TICAM1: variants seen among roughly 807,000 people sequenced by gnomAD.
The protein encoded by TICAM1 is TIR domain-containing adapter molecule 1.
For missense variants in TICAM1, 895 were observed against 938.2 expected (o/e 0.95, Z 0.60); for synonymous variants, 439 against 415.4 (o/e 1.06, Z -0.69).
chr19:4,831,027 T>C (rs1056481576), intron 1 of TICAM1, among the ~76,000 whole-genome samples: 1 of 151,926 alleles, frequency 6.6e-6, no homozygotes, highest in Non-Finnish European at 1.5e-5. Flanking sequence ...GGATCCTGGG[T>C]GTCAGGGAAG....
Position 4,818,057 on chromosome 19 carries a change from C to T in TICAM1, c.321G>A (p.Lys107=), listed in dbSNP as rs2093590665. ...ARLYHLLAEE[K]LCPASLRDVA... ...CGTCCCGCAGCGAGGCGGGGCACAG[C>T]TTCTCCTCAGCCAGCAGGTGGTACA... The change falls in exon 2 of 2, where the codon AAG becomes AAA. Residue 107 remains lysine, a synonymous_variant. Transcript: ENST00000248244. This position sits in a 1 kb window ranked among gnomAD's most constrained non-coding sequence, Gnocchi z 4.0. 2 of 1,608,096 alleles carry T rather than the reference C, an allele frequency of 1.2e-6. No homozygotes were observed. Among genetic ancestry groups the T allele is most frequent in the African/African-American group, 1.3e-5 (1 of 75,058 alleles).
At chr19:4,827,374 A>G (rs890824082) in intron 1 of TICAM1, among the ~76,000 whole-genome samples, 9 of 37,072 alleles carry the variant, frequency 2.4e-4, no homozygotes, top group Non-Finnish European at 4.8e-5. Flanking sequence ...TCTGTCTCCA[A>G]AAAAAAAAAA....
At chr19:4,820,321 G>C (rs983193256) in intron 1 of TICAM1, among the ~76,000 whole-genome samples, 1 of 151,542 alleles carries the variant, frequency 6.6e-6, no homozygotes. Flanking sequence ...TCGGGAGGCT[G>C]AGGTAGGAAA....
rs752768415 is a variant in TICAM1 at position 4,816,627 on chromosome 19, A to C, written c.1751T>G (p.Met584Arg). 6.2e-7 allele frequency: 1 copy of C among 1,614,114 alleles called. No individual in the cohort carries two copies. The highest frequency in any genetic ancestry group is 1.7e-5 in the Admixed American group (1 of 60,024). Residue 584 changes from methionine to arginine, a missense_variant, in exon 2 of 2, where the codon ATG (methionine) becomes AGG (arginine). By Grantham distance (91) the Met-to-Arg change is moderately conservative (BLOSUM62 -1). Transcript: ENST00000248244. The surrounding 1 kb of genome is among the most constrained non-coding windows in gnomAD (Gnocchi z 4.3). ...LQSYLSYQAQ[M>R]EQLQVAFGSH... is the part of the protein sequence containing the mutation. The stretch of plus-strand genomic sequence containing the variant: ...CCCAAAAGCCACCTGGAGCTGCTCC[A>C]TCTGTGCCTGGTAGGACAAGTAGCT...
chr19:4,819,862 C>T lies in TICAM1; in HGVS notation c.-139-1346G>A, dbSNP rs923297539. Among the ~76,000 whole-genome samples, 6 of 149,936 alleles carry T rather than the reference C, an allele frequency of 4.0e-5. No homozygotes were observed. In the South Asian group the frequency reaches 6.5e-4, roughly 16 times the overall value. ...TGCACTCCAGCCTGGGCAACAAGAG[C>T]GAAACCCCGTCTCAATAAATAAATA... On this transcript the variant is annotated intron_variant, in intron 1 of 1. Transcript: ENST00000248244.
Position 4,817,405 on chromosome 19 carries a change from G to C in TICAM1, c.973C>G (p.Pro325Ala). ...PLPILEPVKN[P>A]CSVKDQTPLQ... Reference sequence around the variant, plus strand: ...GGCGTCTGGTCTTTGACAGAGCAGGGGTTTTTGACCGGCTCCAGAATAGGC... The same window carrying C: ...GGCGTCTGGTCTTTGACAGAGCAGGCGTTTTTGACCGGCTCCAGAATAGGC... Residue 325 changes from proline to alanine, a missense_variant, in exon 2 of 2, where the codon CCC becomes GCC. By Grantham distance (27) the Pro-to-Ala change is conservative. Transcript: ENST00000248244. The surrounding 1 kb of genome is among the most constrained non-coding windows in gnomAD (Gnocchi z 4.7). 6 of 1,614,088 alleles carry C rather than the reference G, an allele frequency of 3.7e-6. No individual in the cohort carries two copies. Among genetic ancestry groups the C allele is most frequent in the South Asian group, 1.1e-5 (1 of 91,092 alleles).
At position 4,818,073 on chromosome 19, in the gene TICAM1, A is replaced by C. The variant is rs992744195; in HGVS notation, c.305T>G (p.Leu102Arg). 2 of 1,607,518 alleles carry C rather than the reference A, an allele frequency of 1.2e-6. No homozygotes were observed. The highest frequency in any genetic ancestry group is 1.3e-5 in the African/African-American group (1 of 74,908). ...VSWAVARLYH[L>R]LAEEKLCPAS... ...GGGGCACAGCTTCTCCTCAGCCAGCAGGTGGTACAAGCGGGCCACAGCCCA... is the reference window on the plus strand; with the variant it reads ...GGGGCACAGCTTCTCCTCAGCCAGCCGGTGGTACAAGCGGGCCACAGCCCA... Residue 102 changes from leucine (L) to arginine (R), a missense_variant, in exon 2 of 2, where the codon CTG becomes CGG. Physicochemically the swap from Leu to Arg is moderately radical, Grantham distance 102. Coordinates refer to ENST00000248244, the MANE Select transcript of TICAM1 (RefSeq NM_182919.4). This position sits in a 1 kb window ranked among gnomAD's most constrained non-coding sequence, Gnocchi z 4.0.
intron 1 of TICAM1, among the ~76,000 whole-genome samples, chr19:4,820,614 C>T (rs1365341207): frequency 1.3e-5 from 2 of 151,542 alleles, no homozygotes; most frequent in South Asian, 2.1e-4. Flanking sequence ...CCTGTAATCC[C>T]AGTGCTTTGG....
chr19:4,827,847 G>T (rs1205895570), intron 1 of TICAM1, among the ~76,000 whole-genome samples: 1 of 151,794 alleles, frequency 6.6e-6, no homozygotes, highest in African/African-American at 2.4e-5. Flanking sequence ...CTTGGAATAC[G>T]GTCCAATACC....
At chr19:4,825,755 C>T (rs1197022131) in intron 1 of TICAM1, among the ~76,000 whole-genome samples, 2 of 151,702 alleles carry the variant, frequency 1.3e-5, no homozygotes, top group Admixed American at 6.6e-5. Flanking sequence ...TTTAGAAGTT[C>T]GAGACCAGCC....
chr19:4,827,757 CAA>C (rs568047332), intron 1 of TICAM1, among the ~76,000 whole-genome samples: 16 of 90,704 alleles, frequency 1.8e-4, no homozygotes, highest in Admixed American at 4.5e-4. Flanking sequence ...GACTCCATCT[CAA>C]AAAAAAAAAA....
chr19:4,820,959 A>C (rs1391762714), intron 1 of TICAM1, among the ~76,000 whole-genome samples: 1 of 151,388 alleles, frequency 6.6e-6, no homozygotes, highest in Non-Finnish European at 1.5e-5. Context: ...TGGGAAGCTA[A>C]GGCGGACAGA....
At chr19:4,821,528 C>T (rs1047161109) in intron 1 of TICAM1, among the ~76,000 whole-genome samples, 11 of 152,034 alleles carry the variant, frequency 7.2e-5, no homozygotes, top group Admixed American at 1.3e-4. Context: ...ATCTCTGTTA[C>T]CCCCCAGATA....
rs553898389 is a variant in TICAM1, at chr19:4,820,146, C to T, written c.-139-1630G>A. On this transcript the variant is annotated intron_variant, in intron 1 of 1. Coordinates refer to ENST00000248244, the MANE Select transcript of TICAM1 (RefSeq NM_182919.4). ...AGTTTAAAAAAAAGTTTGGGCCAGG[C>T]GCAGTGGCTCACGCCTATAATCCCA... Among the ~76,000 whole-genome samples, 99 of 152,010 alleles carry T rather than the reference C, an allele frequency of 6.5e-4. 2 individuals carry two copies. The highest frequency in any genetic ancestry group is 1.0e-3 in the Non-Finnish European group (71 of 67,984).
Position 4,817,374 on chromosome 19 carries a change from T to C in TICAM1, c.1004A>G (p.Gln335Arg). 1 of 1,613,718 alleles carries C rather than the reference T, an allele frequency of 6.2e-7. No individual in the cohort carries two copies. Among genetic ancestry groups the C allele is most frequent in the South Asian group, 1.1e-5 (1 of 91,072 alleles). ...PCSVKDQTPL[Q>R]LSVEDTTSPN... ...AGAGGTGGTATCTTCTACAGAAAGT[T>C]GGAGTGGCGTCTGGTCTTTGACAGA... Residue 335 changes from glutamine to arginine, a missense_variant, in exon 2 of 2, where the codon CAA (glutamine) becomes CGA (arginine). Coordinates refer to ENST00000248244, the MANE Select transcript of TICAM1 (RefSeq NM_182919.4). The surrounding 1 kb of genome is among the most constrained non-coding windows in gnomAD (Gnocchi z 4.7).
chr19:4,830,930 G>A (rs112521463), intron 1 of TICAM1, among the ~76,000 whole-genome samples: 61 of 152,330 alleles, frequency 4.0e-4, no homozygotes, highest in African/African-American at 1.4e-3. Context: ...GTGAGCTGGA[G>A]GAACAGTAAG....
rs745954690 is a variant in TICAM1 at position 4,816,394 on chromosome 19, C to T, written c.1984G>A (p.Ala662Thr). ...PQSLPFPQSP[A>T]FPTASPAPPQ... ...GGTGCGGGTGAGGCCGTAGGGAAGG[C>T]TGGGGACTGCGGGAAGGGCAGTGAC... The change falls in exon 2 of 2, where the codon GCC (alanine) becomes ACC (threonine). Residue 662 changes from alanine (A) to threonine (T), a missense_variant. Transcript: ENST00000248244. The surrounding 1 kb of genome is among the most constrained non-coding windows in gnomAD (Gnocchi z 4.3). The T allele has an allele frequency of 5.1e-6, 8 of 1,577,374 alleles. No homozygotes were observed. Among genetic ancestry groups the T allele is most frequent in the Non-Finnish European group, 6.9e-6 (8 of 1,164,086 alleles).
intron 1 of TICAM1, among the ~76,000 whole-genome samples, chr19:4,830,169 C>A (rs564492810): frequency 1.3e-5 from 2 of 150,846 alleles, no homozygotes. Flanking sequence ...CTCACTGCAG[C>A]CTTGAACTCC....
At position 4,817,248 on chromosome 19, in the gene TICAM1, G is replaced by C; in HGVS notation, c.1130C>G (p.Thr377Ser). Reference sequence around the variant, plus strand: ...GGAGGAAGGGAACAGGGAGGAGGGGGTCAGGTGAGCTGAACAAGGAGTAGA... The same window carrying C: ...GGAGGAAGGGAACAGGGAGGAGGGGCTCAGGTGAGCTGAACAAGGAGTAGA... Reference protein sequence around the residue: ...PSSTPCSAHLTPSSLFPSSLE... With the variant: ...PSSTPCSAHLSPSSLFPSSLE... The change falls in exon 2 of 2, where the codon ACC (threonine) becomes AGC (serine). Residue 377 changes from threonine (T) to serine (S), a missense_variant. Coordinates refer to ENST00000248244, the MANE Select transcript of TICAM1 (RefSeq NM_182919.4). The surrounding 1 kb of genome is among the most constrained non-coding windows in gnomAD (Gnocchi z 4.7). 4 of 1,613,178 alleles carry C rather than the reference G, an allele frequency of 2.5e-6. No homozygotes were observed. The highest frequency in any genetic ancestry group is 3.4e-6 in the Non-Finnish European group (4 of 1,179,698).
Sources: allele counts gnomAD v4.1 joint callset (sites outside exome capture counted in the v4.1 genomes callset), GRCh38; gene constraint gnomAD v4.1.1; non-coding constraint Gnocchi (gnomAD v3.1); transcripts MANE v1.5; gene names NCBI Gene and HGNC (gene_info 2026-07-23, HGNC 2026-07-21).